The following DPF3 variants were observed in gnomAD, a reference collection of about 807,000 sequenced individuals.
DPF3 encodes zinc finger protein DPF3.
DPF3 carries 18 observed loss-of-function variants against 56.8 expected under a neutral mutation model. That is an observed-to-expected ratio of 0.32 (90% CI 0.22 to 0.47). DPF3 has a LOEUF of 0.47. DPF3 is among the 20% of genes least tolerant of loss of function. DPF3 has a pLI of 1.00. For synonymous variants in DPF3, 188 were observed against 180.2 expected (o/e 1.04, Z -0.35); for missense variants, 403 against 488.8 (o/e 0.82, Z 1.65).
At chr14:72,790,122 C>T (rs917420339) in intron 1 of DPF3, among the ~76,000 whole-genome samples, 8 of 152,254 alleles carry the variant, frequency 5.3e-5, no homozygotes, top group African/African-American at 1.2e-4. Context: ...CACAATGGCT[C>T]ATGCCTGTAA....
intron 9 of DPF3, among the ~76,000 whole-genome samples, chr14:72,624,366 T>A (rs573131121): frequency 7.9e-6 from 1 of 126,978 alleles, no homozygotes; most frequent in East Asian, 2.3e-4. Flanking sequence ...TGAGACAGAG[T>A]CTCACTCTGT....
At chr14:72,859,110 T>G (rs1288120020) in intron 1 of DPF3, among the ~76,000 whole-genome samples, 1 of 152,194 alleles carries the variant, frequency 6.6e-6, no homozygotes, top group African/African-American at 2.4e-5. Flanking sequence ...AGATACATAC[T>G]GAAATAATTT....
chr14:72,637,105 A>C (rs1885405405), intron 8 of DPF3, among the ~76,000 whole-genome samples: 1 of 152,242 alleles, frequency 6.6e-6, no homozygotes, highest in Admixed American at 6.5e-5. Flanking sequence ...TACAAAGCAC[A>C]TTCATGCAAG....
chr14:72,743,791 C>T (rs544317917), intron 3 of DPF3, among the ~76,000 whole-genome samples: 35 of 152,288 alleles, frequency 2.3e-4, no homozygotes, highest in East Asian at 5.8e-4. Context: ...GGAGATGGTC[C>T]GGGGGAGGCC....
intron 1 of DPF3, chr14:72,806,194 C>G (rs939147112): frequency 2.6e-5 from 4 of 152,204 alleles, no homozygotes; most frequent in African/African-American, 9.7e-5. Context: ...TACCCGTTCC[C>G]CTCAGCTCTT....
At chr14:72,713,108 C>A in intron 6 of DPF3, among the ~76,000 whole-genome samples, 1 of 152,200 alleles carries the variant, frequency 6.6e-6, no homozygotes, top group Non-Finnish European at 1.5e-5. Flanking sequence ...GGAAGCAAGA[C>A]CCAGGCCAAG....
intron 2 of DPF3, among the ~76,000 whole-genome samples, chr14:72,764,692 C>T (rs932681783): frequency 6.6e-6 from 1 of 151,804 alleles, no homozygotes; most frequent in Admixed American, 6.6e-5. Context: ...GGGGTTTCAC[C>T]GTGTTAGCCA....
chr14:72,889,095 C>G (rs1342113600), intron 1 of DPF3, among the ~76,000 whole-genome samples: 1 of 152,176 alleles, frequency 6.6e-6, no homozygotes, highest in Non-Finnish European at 1.5e-5. Flanking sequence ...TTCCAGCTAC[C>G]TGCATGATTC....
chr14:72,679,859 C>T (rs1887080798), intron 7 of DPF3, among the ~76,000 whole-genome samples: 1 of 152,206 alleles, frequency 6.6e-6, no homozygotes, highest in Admixed American at 6.5e-5. Flanking sequence ...GCGGGACGTG[C>T]TGGCTAGGCC....
At chr14:72,801,248 T>C (rs940779170) in intron 1 of DPF3, among the ~76,000 whole-genome samples, 2 of 152,218 alleles carry the variant, frequency 1.3e-5, no homozygotes, top group Non-Finnish European at 2.9e-5. Context: ...ATGGAAGAAT[T>C]GCAGGCCAAT....
At chr14:72,642,934 G>A (rs142564689) in intron 8 of DPF3, among the ~76,000 whole-genome samples, 2 of 152,368 alleles carry the variant, frequency 1.3e-5, no homozygotes, top group East Asian at 3.9e-4. Flanking sequence ...TTCCAAGGAA[G>A]CACCTTTCTA....
intron 8 of DPF3, among the ~76,000 whole-genome samples, chr14:72,646,322 G>A (rs1188334208): frequency 6.6e-6 from 1 of 152,210 alleles, no homozygotes; most frequent in Non-Finnish European, 1.5e-5. Context: ...CCAAAGTCCT[G>A]GGAGGATGGG....
At chr14:72,738,278 T>A (rs987107202) in intron 3 of DPF3, among the ~76,000 whole-genome samples, 1 of 151,996 alleles carries the variant, frequency 6.6e-6, no homozygotes, top group Non-Finnish European at 1.5e-5. Flanking sequence ...TCGAAATAGA[T>A]GAGGTTCACA....
At chr14:72,647,066 C>G (rs1431978565) in intron 8 of DPF3, among the ~76,000 whole-genome samples, 2 of 152,192 alleles carry the variant, frequency 1.3e-5, no homozygotes, top group East Asian at 1.9e-4. Context: ...GTCTTCCCAC[C>G]ACTCTCATCC....
chr14:72,885,295 G>A (rs910404220), intron 1 of DPF3, among the ~76,000 whole-genome samples: 1 of 151,858 alleles, frequency 6.6e-6, no homozygotes, highest in African/African-American at 2.4e-5. Context: ...TATTAGGTTT[G>A]GGTTTTTTTG....
chr14:72,681,277 C>T (rs556464058), intron 7 of DPF3, among the ~76,000 whole-genome samples: 3 of 152,268 alleles, frequency 2.0e-5, no homozygotes, highest in South Asian at 2.1e-4. Context: ...CCTCTTATAT[C>T]GGGGCACAGA....
At chr14:72,702,848 C>G (rs552097902) in intron 6 of DPF3, among the ~76,000 whole-genome samples, 1 of 152,128 alleles carries the variant, frequency 6.6e-6, no homozygotes, top group Non-Finnish European at 1.5e-5. Flanking sequence ...CAAAAGCCAA[C>G]GGTGGATCCA....
rs769634317 is a variant in DPF3, at chr14:72,753,296, T to A, written c.269A>T (p.Asp90Val). The change falls in exon 3 of 11, where the codon GAT becomes GTT. Residue 90 changes from aspartate to valine, a missense_variant. Asp to Val is a radical substitution (Grantham distance 152). Coordinates refer to ENST00000556509, the MANE Select transcript of DPF3 (RefSeq NM_001280542.3). ...RKKRRLHPPE[D>V]PKLRLLEIKP... The stretch of plus-strand genomic sequence containing the variant: ...TATCTCCAGCAGCCGCAGTTTTGGA[T>A]CTTCAGGTGGGTGCAATCGTCTCTT... 1.9e-5 allele frequency: 30 copies of A among 1,613,550 alleles called. No homozygotes were observed. Among genetic ancestry groups the A allele is most frequent in the Admixed American group, 1.5e-4 (9 of 59,978 alleles).
chr14:72,886,855 T>G (rs1257797465), intron 1 of DPF3, among the ~76,000 whole-genome samples: 1 of 152,032 alleles, frequency 6.6e-6, no homozygotes, highest in African/African-American at 2.4e-5. Flanking sequence ...AGTCTAGTCT[T>G]GGCTAATACC....
Sources: allele counts gnomAD v4.1 joint callset (sites outside exome capture counted in the v4.1 genomes callset), GRCh38; gene constraint gnomAD v4.1.1; transcripts MANE v1.5; gene names NCBI Gene and HGNC (gene_info 2026-07-23, HGNC 2026-07-21).